The following CAMK4 variants were observed in gnomAD, a reference collection of about 807,000 sequenced individuals.
CAMK4 encodes calcium/calmodulin-dependent protein kinase type IV.
A neutral mutation model predicts 44.9 loss-of-function variants in CAMK4; 22 were observed. The observed-to-expected ratio is 0.49, with a 90% confidence interval of 0.35 to 0.70. The LOEUF is 0.70. Ranked by LOEUF, CAMK4 falls within the 30% of genes least tolerant of loss-of-function variation. The pLI, the probability that CAMK4 is intolerant of heterozygous loss-of-function variation, is 0.01. For missense variants in CAMK4, 498 were observed against 586.8 expected, an observed-to-expected ratio of 0.85 and a Z score of 1.56; for synonymous variants, 218 against 215.4, an observed-to-expected ratio of 1.01 and a Z score of -0.11.
rs551991572 is a variant in CAMK4 at position 111,332,457 on chromosome 5, A to G, written c.162-11567A>G. The stretch of plus-strand genomic sequence containing the variant: ...GTATTCCACGATGTATATGTGCCAC[A>G]TTTTCTTAATCCAGTCTATCATTGT... On this transcript the variant is annotated intron_variant, in intron 1 of 10. Coordinates refer to ENST00000282356, the MANE Select transcript of CAMK4 (RefSeq NM_001744.6). 1.7e-4 allele frequency among the ~76,000 whole-genome samples: 25 copies of G among 151,172 alleles called. No individual in the cohort carries two copies. The South Asian group carries it at 5.2e-3, about 32-fold the overall frequency.
chr5:111,423,693 T>G lies in CAMK4; in HGVS notation c.460-22993T>G, dbSNP rs111351786. Among the ~76,000 whole-genome samples, 930 of 152,324 alleles carry G rather than the reference T, an allele frequency of 6.1e-3. 9 individuals are homozygous for G. Among genetic ancestry groups the G allele is most frequent in the African/African-American group, 0.021 (861 of 41,572 alleles). ...CCTTGTTACACACTGATTCACAACATTTATTATACCTTCAGTTCTTTGTAT... is the reference window on the plus strand; with the variant it reads ...CCTTGTTACACACTGATTCACAACAGTTATTATACCTTCAGTTCTTTGTAT... On this transcript the variant is annotated intron_variant, in intron 5 of 10. Coordinates refer to ENST00000282356, the MANE Select transcript of CAMK4 (RefSeq NM_001744.6).
chr5:111,475,785 A>G (rs917311275), intron 8 of CAMK4, among the ~76,000 whole-genome samples: 1 of 151,914 alleles, frequency 6.6e-6, no homozygotes, highest in Non-Finnish European at 1.5e-5. Flanking sequence ...CGACTGGCAC[A>G]TTTTCTCTGG....
intron 8 of CAMK4, among the ~76,000 whole-genome samples, chr5:111,476,239 TTGTG>T (rs5870455): frequency 0.13 from 17,010 of 132,630 alleles, 1,152 homozygotes; most frequent in Non-Finnish European, 0.15. Context: ...CTTTGCTTCT[TTGTG>T]TGTGTGTGTG....
intron 2 of CAMK4, among the ~76,000 whole-genome samples, chr5:111,366,570 A>G (rs73788847): frequency 6.0e-4 from 91 of 152,104 alleles, no homozygotes; most frequent in African/African-American, 2.2e-3. Flanking sequence ...TTTTTTCTTC[A>G]TATGTTTTTA....
At chr5:111,259,291 C>G (rs929311698) in intron 1 of CAMK4, among the ~76,000 whole-genome samples, 2 of 152,134 alleles carry the variant, frequency 1.3e-5, no homozygotes, top group Admixed American at 6.5e-5. Context: ...ACTTAAGAGT[C>G]TCTAAATAAA....
At chr5:111,481,596 C>T (rs1300456962) in intron 9 of CAMK4, among the ~76,000 whole-genome samples, 1 of 152,132 alleles carries the variant, frequency 6.6e-6, no homozygotes, top group Non-Finnish European at 1.5e-5. Flanking sequence ...GACCTGAGAC[C>T]TACAATCATT....
chr5:111,434,485 G>T (rs550492707), intron 5 of CAMK4, among the ~76,000 whole-genome samples: 1 of 152,168 alleles, frequency 6.6e-6, no homozygotes, highest in African/African-American at 2.4e-5. Context: ...CAGGGGCCCC[G>T]AAGCTTGGCT....
intron 3 of CAMK4, among the ~76,000 whole-genome samples, 197 bp downstream of exon 3, chr5:111,375,109 G>T (rs1751165888): frequency 6.6e-6 from 1 of 152,138 alleles, no homozygotes; most frequent in Non-Finnish European, 1.5e-5. Flanking sequence ...CTCTGAAAAA[G>T]TTCCAAAATA....
intron 7 of CAMK4, among the ~76,000 whole-genome samples, chr5:111,453,510 TAGA>T (rs1430456547): frequency 6.6e-6 from 1 of 152,106 alleles, no homozygotes; most frequent in African/African-American, 2.4e-5. Flanking sequence ...TGTCCATTTA[TAGA>T]AGGAGTTGGA....
intron 1 of CAMK4, among the ~76,000 whole-genome samples, chr5:111,246,635 C>T (rs1006396930): frequency 2.6e-5 from 4 of 152,280 alleles, no homozygotes; most frequent in African/African-American, 9.6e-5. Flanking sequence ...AGCCAACCAT[C>T]ATCATCCAGG....
At chr5:111,360,483 A>G (rs887631643) in intron 2 of CAMK4, among the ~76,000 whole-genome samples, 2 of 152,222 alleles carry the variant, frequency 1.3e-5, no homozygotes, top group Middle Eastern at 3.4e-3. Flanking sequence ...TCAGAGACCA[A>G]ACCAGTCCAG....
At chr5:111,254,724 C>G (rs1390687091) in intron 1 of CAMK4, among the ~76,000 whole-genome samples, 2 of 152,140 alleles carry the variant, frequency 1.3e-5, no homozygotes, top group Non-Finnish European at 2.9e-5. Flanking sequence ...TCTGCTAATC[C>G]CCCATCAATG....
chr5:111,386,004 C>T (rs537713572), intron 4 of CAMK4, among the ~76,000 whole-genome samples: 1 of 152,156 alleles, frequency 6.6e-6, no homozygotes, highest in African/African-American at 2.4e-5. Flanking sequence ...GCTCCCTGGC[C>T]AGCACCCACA....
At chr5:111,272,579 T>C (rs1750563739) in intron 1 of CAMK4, among the ~76,000 whole-genome samples, 1 of 152,172 alleles carries the variant, frequency 6.6e-6, no homozygotes, top group Non-Finnish European at 1.5e-5. Flanking sequence ...GCAGTGTCTG[T>C]GAATTAGAAA....
intron 7 of CAMK4, among the ~76,000 whole-genome samples, chr5:111,454,861 T>TA (rs3216647): frequency 0.69 from 104,381 of 151,212 alleles, 37,539 homozygotes; most frequent in Non-Finnish European, 0.8. Flanking sequence ...AGGGCTTAGG[T>TA]AAAAAAAAAT....
intron 1 of CAMK4, among the ~76,000 whole-genome samples, chr5:111,281,588 T>C (rs1353308479): frequency 6.6e-6 from 1 of 152,162 alleles, no homozygotes; most frequent in East Asian, 1.9e-4. Context: ...GAGAGATCTT[T>C]TTGGCCTCTC....
intron 1 of CAMK4, among the ~76,000 whole-genome samples, chr5:111,285,143 A>G (rs1355872112): frequency 6.6e-6 from 1 of 152,228 alleles, no homozygotes; most frequent in African/African-American, 2.4e-5. Flanking sequence ...GAAACAAATG[A>G]AAATTGTCTT....
chr5:111,395,700 T>G (rs1261623378), intron 5 of CAMK4, among the ~76,000 whole-genome samples: 1 of 152,188 alleles, frequency 6.6e-6, no homozygotes, highest in Non-Finnish European at 1.5e-5. Flanking sequence ...CTTTTTTGGA[T>G]TGCATTAAGC....
At chr5:111,453,046 G>T (rs1754290616) in intron 7 of CAMK4, among the ~76,000 whole-genome samples, 1 of 152,174 alleles carries the variant, frequency 6.6e-6, no homozygotes, top group South Asian at 2.1e-4. Context: ...TCAAAAACAA[G>T]TAAGTTTAAC....
Sources: gnomAD v4.1 joint callset for allele counts (sites outside exome capture counted in the v4.1 genomes callset) on GRCh38, gnomAD v4.1.1 for gene constraint, MANE v1.5 for transcripts, NCBI Gene and HGNC (gene_info 2026-07-23, HGNC 2026-07-21) for gene names.